Variants in HNRNPF observed in about 807,000 individuals in gnomAD.
HNRNPF encodes the protein heterogeneous nuclear ribonucleoprotein F, also known as HnRNP F protein.
In HNRNPF, 2 loss-of-function variants were observed where a neutral mutation model predicts 26.0. The ratio of observed to expected loss-of-function variants is 0.08; its 90% CI spans 0.03 to 0.24. HNRNPF has a LOEUF of 0.24. HNRNPF is among the 10% of genes least tolerant of loss of function. The pLI is 1.00. For missense variants in HNRNPF, 299 were observed against 539.2 expected, an observed-to-expected ratio of 0.55 and a Z score of 4.41; for synonymous variants, 234 against 211.5, an observed-to-expected ratio of 1.11 and a Z score of -0.92.
At position 43,387,203 on chromosome 10, in the gene HNRNPF, G is replaced by A. The variant is rs146478590; in HGVS notation, c.682C>T (p.Leu228=). Residue 228 remains leucine (L), a synonymous_variant, in exon 4 of 4, where the codon CTG becomes TTG. Transcript: ENST00000682386. This position sits in a 1 kb window ranked among gnomAD's most constrained non-coding sequence, Gnocchi z 6.0. ...TAGGCACCAGGCCTCATCCTTTCCA[G>A]GCCTGCCTGCTTCACGATGCCAATG... is the stretch of plus-strand genomic sequence containing the variant. ...RYIGIVKQAG[L]ERMRPGAYST... is the part of the protein sequence containing the mutation. 2.5e-5 allele frequency: 41 copies of A among 1,614,040 alleles called. No homozygotes were observed. The highest frequency in any genetic ancestry group is 2.0e-4 in the Admixed American group (12 of 59,996).
At chr10:43,400,855 T>C (rs1047132056) in intron 1 of HNRNPF, among the ~76,000 whole-genome samples, 9 of 152,144 alleles carry the variant, frequency 5.9e-5, no homozygotes, top group Non-Finnish European at 1.0e-4. Context: ...CCCAGCACTT[T>C]GGGAGGCCGA....
chr10:43,404,172 G>GTGC (rs1382152555), intron 1 of HNRNPF, among the ~76,000 whole-genome samples: 1 of 151,376 alleles, frequency 6.6e-6, no homozygotes, highest in Non-Finnish European at 1.5e-5. Flanking sequence ...GGGCGTGGTG[G>GTGC]TGCTGCACAC....
intron 1 of HNRNPF, among the ~76,000 whole-genome samples, chr10:43,406,546 T>G (rs954197768): frequency 2.0e-5 from 3 of 151,898 alleles, no homozygotes; most frequent in South Asian, 4.1e-4. Context: ...AATACAAAAA[T>G]TTGCCGGGCG....
rs922224723 is a variant in HNRNPF, at chr10:43,396,599, G to C, written c.-246-9C>G. ...ATGTTTTTGTTCTCAACCTGCAACA[G>C]AAATCCAAGTGGTGGTGGGGTCCCT... is the stretch of plus-strand genomic sequence containing the variant. On this transcript the variant is annotated splice_polypyrimidine_tract_variant and intron_variant, in intron 1 of 3. Coordinates refer to ENST00000682386, the MANE Select transcript of HNRNPF (RefSeq NM_001098204.2). 2.0e-4 allele frequency: 30 copies of C among 152,272 alleles called. No homozygotes were observed. The highest frequency in any genetic ancestry group is 7.2e-4 in the African/African-American group (30 of 41,464). The allele number at this position is 152,272 out of a possible 1,614,324, so 9.4% of individuals were successfully genotyped here.
intron 1 of HNRNPF, among the ~76,000 whole-genome samples, chr10:43,404,724 A>G (rs1431492858): frequency 6.6e-6 from 1 of 151,966 alleles, no homozygotes; most frequent in Non-Finnish European, 1.5e-5. Context: ...CCAGTTACTC[A>G]GGAGGCTGAG....
intron 3 of HNRNPF, among the ~76,000 whole-genome samples, chr10:43,388,720 C>T (rs565727217): frequency 6.6e-6 from 1 of 152,322 alleles, no homozygotes; most frequent in South Asian, 2.1e-4. Context: ...AAAGGGCAAT[C>T]GCAAGAGGGC....
intron 1 of HNRNPF, among the ~76,000 whole-genome samples, chr10:43,400,517 T>G (rs1288425800): frequency 1.3e-5 from 2 of 152,210 alleles, no homozygotes; most frequent in Admixed American, 6.5e-5. Context: ...TTGTTATGGA[T>G]GTTTTCCTTT....
chr10:43,408,312 GGTGCTCACCGC>G (rs1186577520), intron 1 of HNRNPF, among the ~76,000 whole-genome samples: 1 of 152,136 alleles, frequency 6.6e-6, no homozygotes, highest in Non-Finnish European at 1.5e-5. Context: ...CTCAGCCCGC[GGTGCTCACCGC>G]GTGGGACCAC....
chr10:43,402,739 A>C (rs757358863), intron 1 of HNRNPF, among the ~76,000 whole-genome samples: 4 of 152,254 alleles, frequency 2.6e-5, no homozygotes, highest in Non-Finnish European at 5.9e-5. Flanking sequence ...GCACTATTCT[A>C]ATCAAATAAC....
chr10:43,406,423 A>C (rs1838919845), intron 1 of HNRNPF, among the ~76,000 whole-genome samples: 2 of 152,136 alleles, frequency 1.3e-5, no homozygotes, highest in African/African-American at 4.8e-5. Context: ...GCCGGGCACG[A>C]TGGCTCACGC....
intron 1 of HNRNPF, chr10:43,397,149 G>C (rs998108349): frequency 6.6e-6 from 1 of 151,918 alleles, no homozygotes; most frequent in African/African-American, 2.4e-5. Flanking sequence ...GCCGGGACTG[G>C]AGTGGCGGGG....
chr10:43,408,535 A>G (rs1164149980), intron 1 of HNRNPF, among the ~76,000 whole-genome samples: 1 of 151,876 alleles, frequency 6.6e-6, no homozygotes, highest in Admixed American at 6.6e-5. Context: ...CTGATCCCAA[A>G]TCCCAGCCCC....
chr10:43,402,319 CTG>C (rs1286365580), intron 1 of HNRNPF, among the ~76,000 whole-genome samples: 1 of 152,192 alleles, frequency 6.6e-6, no homozygotes. Context: ...CACGCCTGTG[CTG>C]TGTCTTTTCA....
chr10:43,395,630 A>G (rs1279087605), intron 2 of HNRNPF, among the ~76,000 whole-genome samples: 3 of 152,216 alleles, frequency 2.0e-5, no homozygotes, highest in African/African-American at 7.2e-5. Flanking sequence ...TAGGAAACCT[A>G]TTCAGGGGTG....
At chr10:43,394,296 ACATGT>A (rs1838372015) in intron 3 of HNRNPF, among the ~76,000 whole-genome samples, 1 of 152,266 alleles carries the variant, frequency 6.6e-6, no homozygotes, top group Non-Finnish European at 1.5e-5. Flanking sequence ...CTAATCTTTT[ACATGT>A]CATAAGTGTT....
At chr10:43,406,228 G>A (rs992381834) in intron 1 of HNRNPF, among the ~76,000 whole-genome samples, 1 of 152,158 alleles carries the variant, frequency 6.6e-6, no homozygotes, top group Admixed American at 6.6e-5. Context: ...CATTTCTGCA[G>A]CCCCTGCAGG....
intron 1 of HNRNPF, among the ~76,000 whole-genome samples, chr10:43,402,311 C>T (rs1023984364): frequency 3.9e-5 from 6 of 152,182 alleles, no homozygotes; most frequent in African/African-American, 4.8e-5. Flanking sequence ...TACCAACACA[C>T]GCCTGTGCTG....
chr10:43,388,242 T>C (rs1409189872), intron 3 of HNRNPF, among the ~76,000 whole-genome samples: 1 of 152,226 alleles, frequency 6.6e-6, no homozygotes, highest in East Asian at 1.9e-4. Context: ...CATGATAATA[T>C]GTGGCAGTTC....
intron 1 of HNRNPF, among the ~76,000 whole-genome samples, chr10:43,397,823 TATTTC>T (rs1326355948): frequency 6.6e-6 from 1 of 152,248 alleles, no homozygotes; most frequent in Admixed American, 6.5e-5. Flanking sequence ...ACTGTAATTT[TATTTC>T]TTTAAAAGAC....
Sources: gnomAD v4.1 joint callset for allele counts (sites outside exome capture counted in the v4.1 genomes callset) on GRCh38, gnomAD v4.1.1 for gene constraint, Gnocchi (gnomAD v3.1) non-coding constraint, MANE v1.5 for transcripts, NCBI Gene and HGNC (gene_info 2026-07-23, HGNC 2026-07-21) for gene names.